FKBP5: variants seen among roughly 807,000 people sequenced by gnomAD.
FKBP5 encodes the protein peptidyl-prolyl cis-trans isomerase FKBP5.
Under a neutral mutation model 50.5 loss-of-function variants are expected in FKBP5, and 23 were observed. The observed-to-expected ratio is 0.46, with a 90% confidence interval of 0.33 to 0.65. The LOEUF (loss-of-function observed/expected upper bound fraction) is 0.65, where lower values mean the gene tolerates loss of function less well. Ranked by LOEUF, FKBP5 falls within the 30% of genes least tolerant of loss-of-function variation. FKBP5 has a pLI of 0.02. For missense variants in FKBP5, 411 were observed against 553.1 expected, an observed-to-expected ratio of 0.74 and a Z score of 2.58; for synonymous variants, 176 against 190.6, an observed-to-expected ratio of 0.92 and a Z score of 0.63.
At chr6:35,586,920 G>T in intron 8 of FKBP5, 114 bp downstream of exon 8, 1 of 1,554,346 alleles carries the variant, frequency 6.4e-7, no homozygotes, top group East Asian at 2.3e-5. Context: ...AAAAATTGCA[G>T]CTTATTCTTA....
At chr6:35,636,742 G>GT (rs201990574) in intron 3 of FKBP5, among the ~76,000 whole-genome samples, 1,779 of 152,254 alleles carry the variant, frequency 0.012, 15 homozygotes, top group African/African-American at 0.024. Flanking sequence ...GGAACCAGCA[G>GT]TTTTTTTACA....
intron 2 of FKBP5, among the ~76,000 whole-genome samples, chr6:35,706,159 CA>C (rs1201091629): frequency 6.6e-6 from 1 of 152,054 alleles, no homozygotes; most frequent in Admixed American, 6.6e-5. Flanking sequence ...CGCAGTGGCT[CA>C]TGCCTATAAT....
At chr6:35,692,184 T>C (rs958382339), upstream of FKBP5, among the ~76,000 whole-genome samples, 3 of 152,198 alleles carry the variant, frequency 2.0e-5, no homozygotes. Context: ...CTCACTCTAT[T>C]ACCCAGGCTG....
At chr6:35,704,221 G>A (rs1766239619) in intron 2 of FKBP5, among the ~76,000 whole-genome samples, 1 of 152,182 alleles carries the variant, frequency 6.6e-6, no homozygotes, top group African/African-American at 2.4e-5. Flanking sequence ...ATAGAGAAGT[G>A]GGGGCAGGTA....
chr6:35,649,731 C>T (rs1764736789), intron 1 of FKBP5, among the ~76,000 whole-genome samples: 1 of 151,994 alleles, frequency 6.6e-6, no homozygotes, highest in Non-Finnish European at 1.5e-5. Context: ...GAGAAAAGAA[C>T]CAGACAGGCT....
At position 35,648,982 on chromosome 6, in the gene FKBP5, T is replaced by C. The variant is rs182319285; in HGVS notation, c.-19-6139A>G. Among the ~76,000 whole-genome samples, 129 of 152,130 alleles carry C rather than the reference T, an allele frequency of 8.5e-4. 2 individuals carry two copies. The highest frequency in any genetic ancestry group is 3.0e-3 in the African/African-American group (125 of 41,504). ...AAAAATAAAAAAAGGCCAGGCGGGA[T>C]GGCTCACATCTGTAATCCCAGCACT... is the stretch of plus-strand genomic sequence containing the variant. On this transcript the variant is annotated intron_variant, in intron 1 of 10. Coordinates refer to ENST00000357266, the MANE Select transcript of FKBP5 (RefSeq NM_004117.4).
intron 2 of FKBP5, among the ~76,000 whole-genome samples, chr6:35,713,270 G>C (rs1224679765): frequency 6.6e-6 from 1 of 152,004 alleles, no homozygotes; most frequent in Non-Finnish European, 1.5e-5. Flanking sequence ...GGAACCTTAG[G>C]ACTAGAATGA....
At chr6:35,621,277 C>G (rs191613243) in intron 3 of FKBP5, among the ~76,000 whole-genome samples, 1 of 152,264 alleles carries the variant, frequency 6.6e-6, no homozygotes, top group Admixed American at 6.5e-5. Flanking sequence ...TTACTGTAAG[C>G]AGTATCAAGT....
In FKBP5 at chr6:35,661,127, T is replaced by C. The variant is rs945978717; in HGVS notation, c.-19-18284A>G. ...GGAAACCACTGAATTATATACTTTA[T>C]TTTATTTTTGATTTACCTTATTTTA... On this transcript the variant is annotated intron_variant, in intron 1 of 10. Coordinates refer to ENST00000357266, the MANE Select transcript of FKBP5 (RefSeq NM_004117.4). Among the ~76,000 whole-genome samples the C allele has an allele frequency of 3.6e-5, 3 of 83,082 alleles. 1 individual carries two copies. The highest frequency in any genetic ancestry group is 1.1e-4 in the African/African-American group (3 of 26,796). The allele number at this position is 83,082 out of a possible 152,430, so 54.5% of individuals were successfully genotyped here. A position where few individuals can be genotyped will look rare whatever the true frequency, so the allele number is the denominator to read the frequency against.
chr6:35,606,825 A>AG (rs1763336165), intron 5 of FKBP5, among the ~76,000 whole-genome samples: 1 of 152,196 alleles, frequency 6.6e-6, no homozygotes, highest in Non-Finnish European at 1.5e-5. Flanking sequence ...ACTAAAAATC[A>AG]AAGTACCATT....
intron 3 of FKBP5, among the ~76,000 whole-genome samples, chr6:35,630,397 A>C (rs1009292823): frequency 1.1e-4 from 17 of 151,982 alleles, no homozygotes; most frequent in Admixed American, 6.6e-5. Context: ...AAATATAAAA[A>C]TTAGCCAGGC....
intron 3 of FKBP5, 71 bp from the exon 4 acceptor site, chr6:35,620,345 A>C: frequency 6.5e-7 from 1 of 1,542,414 alleles, no homozygotes; most frequent in Non-Finnish European, 8.8e-7. Context: ...ATAAAACCAA[A>C]GTTCTAATTT....
intron 5 of FKBP5, among the ~76,000 whole-genome samples, chr6:35,617,168 T>C (rs1187385995): frequency 6.6e-6 from 1 of 152,028 alleles, no homozygotes; most frequent in African/African-American, 2.4e-5. Flanking sequence ...AAATGGCAAT[T>C]TGGGATAAAT....
rs1448701810 is a variant in FKBP5, at chr6:35,724,493, G to A, written c.-240-3945C>T. On this transcript the variant is annotated intron_variant, in intron 1 of 11. Transcript: ENST00000536438. ...AAGGAGGCAGAGTTCTCCTTCATTT[G>A]AAGGGAGAAGGGAGTAAGACTCTGA... Among the ~76,000 whole-genome samples, 3 of 152,216 alleles carry A rather than the reference G, an allele frequency of 2.0e-5. No individual in the cohort carries two copies. In the East Asian group the frequency reaches 5.8e-4, roughly 29 times the overall value.
intron 1 of FKBP5, among the ~76,000 whole-genome samples, chr6:35,674,190 GA>G (rs1765469685): frequency 6.6e-6 from 1 of 152,138 alleles, no homozygotes; most frequent in African/African-American, 2.4e-5. Context: ...GAGAAAAAGA[GA>G]AAGCCAAAAA....
intron 8 of FKBP5, chr6:35,584,211 T>C: frequency 1.0e-6 from 1 of 985,442 alleles, no homozygotes; most frequent in Non-Finnish European, 1.2e-6. Flanking sequence ...ATAATTATTT[T>C]CAGAGCCAAA....
intron 3 of FKBP5, among the ~76,000 whole-genome samples, chr6:35,632,083 A>C (rs529306172): frequency 1.2e-4 from 18 of 152,274 alleles, no homozygotes; most frequent in African/African-American, 3.9e-4. Flanking sequence ...CTATTATAGA[A>C]GTATGTATGA....
intron 1 of FKBP5, among the ~76,000 whole-genome samples, chr6:35,672,069 T>A (rs1288108959): frequency 6.6e-6 from 1 of 152,042 alleles, no homozygotes; most frequent in Admixed American, 6.6e-5. Flanking sequence ...TGGGTTTCAT[T>A]GTGTTAGCCA....
intron 1 of FKBP5, among the ~76,000 whole-genome samples, chr6:35,722,532 G>T (rs998169940): frequency 1.3e-5 from 2 of 152,120 alleles, no homozygotes; most frequent in African/African-American, 4.8e-5. Flanking sequence ...GTCAACTCTT[G>T]CTGGAACACG....
Sources: allele counts gnomAD v4.1 joint callset (sites outside exome capture counted in the v4.1 genomes callset), GRCh38; gene constraint gnomAD v4.1.1; transcripts MANE v1.5; gene names NCBI Gene and HGNC (gene_info 2026-07-23, HGNC 2026-07-21).